CSAD: variants seen among roughly 807,000 people sequenced by gnomAD.
CSAD encodes cysteine sulfinic acid decarboxylase.
Under a neutral mutation model 61.5 loss-of-function variants are expected in CSAD, and 47 were observed. The ratio of observed to expected loss-of-function variants is 0.76; its 90% CI spans 0.60 to 0.97. The LOEUF (loss-of-function observed/expected upper bound fraction) is 0.97, where lower values mean the gene tolerates loss of function less well. Among genes scored for constraint, CSAD ranks in the 50% least tolerant of loss-of-function variants. The pLI, the probability that CSAD is intolerant of heterozygous loss-of-function variation, is 0.00. For synonymous variants in CSAD, 245 were observed against 252.7 expected (o/e 0.97, Z 0.29); for missense variants, 611 against 643.6 (o/e 0.95, Z 0.55).
chr12:53,167,268 T>C (rs1453608932), intron 10 of CSAD, among the ~76,000 whole-genome samples: 1 of 152,186 alleles, frequency 6.6e-6, no homozygotes, highest in Non-Finnish European at 1.5e-5. Flanking sequence ...TCCAACTCCA[T>C]ATCTTCAATT....
Position 53,160,114 on chromosome 12 carries a change from G to GCCTA in CSAD, c.1166+2_1166+5dup, listed in dbSNP as rs1939101549. Reference sequence around the variant, plus strand: ...CAGGGACGACCCCCCACCTCCTCCCGCCTACCGGGCAAGGACAAAGGCCTG... The same window carrying GCCTA: ...CAGGGACGACCCCCCACCTCCTCCCGCCTACCTACCGGGCAAGGACAAAGGCCTG... On this transcript the variant is annotated splice_donor_region_variant and intron_variant, in intron 14 of 16. Transcript: ENST00000444623. The GCCTA allele has an allele frequency of 6.2e-7, 1 of 1,612,412 alleles. No homozygotes were observed. The highest frequency in any genetic ancestry group is 8.5e-7 in the Non-Finnish European group (1 of 1,179,968).
rs867501429 is a variant in CSAD at position 53,160,763 on chromosome 12, C to G, written c.966G>C (p.Ser322=). The G allele has an allele frequency of 6.4e-7, 1 of 1,551,412 alleles. No individual in the cohort carries two copies. Among genetic ancestry groups the G allele is most frequent in the Admixed American group, 2.0e-5 (1 of 50,988 alleles). Residue 322 remains serine, a splice_region_variant and synonymous_variant, in exon 13 of 17, where the codon TCG becomes TCC. Coordinates refer to ENST00000444623, the MANE Select transcript of CSAD (RefSeq NM_001244705.2). ...QCSALLLQDT[S]NLLKRCHGSQ... ...GGTGCAGGGGCAGGGGCAGACCCAC[C>G]GAGGTATCCTGGAGAAGAAGTGCAG...
At chr12:53,169,992 A>G (rs1940368449) in intron 10 of CSAD, 80 bp downstream of exon 10, 1 of 1,216,108 alleles carries the variant, frequency 8.2e-7, no homozygotes, top group Admixed American at 1.7e-5. Context: ...GGGATGAAGG[A>G]TGCCTTGAGA....
chr12:53,170,606 G>A, intron 8 of CSAD, 104 bp from the exon 9 acceptor site: 1 of 876,050 alleles, frequency 1.1e-6, no homozygotes. Flanking sequence ...GTAGACCAGG[G>A]CTTCTCAAAT....
intron 10 of CSAD, among the ~76,000 whole-genome samples, chr12:53,168,682 A>G (rs1291714343): frequency 6.6e-6 from 1 of 152,344 alleles, no homozygotes; most frequent in East Asian, 1.9e-4. Context: ...TAATAATAAC[A>G]ACAATACCAG....
intron 10 of CSAD, 77 bp downstream of exon 10, chr12:53,169,995 C>T: frequency 7.9e-7 from 1 of 1,263,080 alleles, no homozygotes. Context: ...ATGAAGGATG[C>T]CTTGAGAAAG....
chr12:53,160,931 A>T, intron 12 of CSAD, 87 bp from the exon 13 acceptor site: 1 of 1,331,814 alleles, frequency 7.5e-7, no homozygotes. Context: ...GTCCCCAGCA[A>T]AGGGGCTTTG....
intron 13 of CSAD, 152 bp from the exon 14 acceptor site, chr12:53,160,471 T>C: frequency 1.2e-6 from 1 of 803,148 alleles, no homozygotes; most frequent in Non-Finnish European, 2.0e-6. Flanking sequence ...CTCCAACACC[T>C]TTCTTTGGGT....
Position 53,158,483 on chromosome 12 carries a change from T to C in CSAD, c.*28A>G. On this transcript the variant is annotated 3_prime_UTR_variant, in exon 17 of 17. Transcript: ENST00000444623. ...GTGACTCTGCGGGTGAGGGGTGGTA[T>C]CAAGGCCGGCAGCAAGACAGAGAAG... is the stretch of plus-strand genomic sequence containing the variant. 6 of 1,602,602 alleles carry C rather than the reference T, an allele frequency of 3.7e-6. No homozygotes were observed. The highest frequency in any genetic ancestry group is 5.1e-6 in the Non-Finnish European group (6 of 1,171,930).
Position 53,165,403 on chromosome 12 carries a change from G to A in CSAD, c.703-4014C>T, listed in dbSNP as rs1939799542. Among the ~76,000 whole-genome samples, 3 of 151,330 alleles carry A rather than the reference G, an allele frequency of 2.0e-5. No homozygotes were observed. In the South Asian group the frequency reaches 6.3e-4, roughly 32 times the overall value. ...TGGCCAGGCGCGGTGGCTCACGCCT[G>A]TGATCCCAGCACTTTGGGAGGCCGA... On this transcript the variant is annotated intron_variant, in intron 10 of 16. Coordinates refer to ENST00000444623, the MANE Select transcript of CSAD (RefSeq NM_001244705.2).
At chr12:53,180,537 T>C (rs770500003) in intron 1 of CSAD, 195 bp downstream of exon 1, 7 of 1,278,114 alleles carry the variant, frequency 5.5e-6, no homozygotes, top group South Asian at 5.0e-5. Context: ...CCCTCCTCCA[T>C]GCCCTCGGCG....
intron 2 of CSAD, among the ~76,000 whole-genome samples, chr12:53,175,857 T>G (rs752177263): frequency 2.0e-5 from 3 of 152,232 alleles, no homozygotes; most frequent in Non-Finnish European, 2.9e-5. Flanking sequence ...GAAATTAGCC[T>G]AAATAGGTAT....
chr12:53,159,600 A>G lies in CSAD; in HGVS notation c.1308+23T>C, dbSNP rs78263799. On this transcript the variant is annotated intron_variant, in intron 16 of 16. Transcript: ENST00000444623. ...GTTGCATCAGCTCCCTAACGGGTAA[A>G]GAGAGCAGCACAGCACGCCTACCTT... is the stretch of plus-strand genomic sequence containing the variant. The G allele has an allele frequency of 4.2e-3, 6,674 of 1,598,412 alleles. 243 individuals are homozygous for G. The African/African-American group carries it at 0.076, about 18-fold the overall frequency.
rs1180477214 is a variant in CSAD, at chr12:53,173,786, C to T, written c.-49-16G>A. Reference sequence around the variant, plus strand: ...CAGGTAGCTCCTCAGGACAGCAGGACCAAGATGGCAGAGGAAGTGGGGTGA... The same window carrying T: ...CAGGTAGCTCCTCAGGACAGCAGGATCAAGATGGCAGAGGAAGTGGGGTGA... On this transcript the variant is annotated splice_polypyrimidine_tract_variant and intron_variant, in intron 2 of 16. Coordinates refer to ENST00000444623, the MANE Select transcript of CSAD (RefSeq NM_001244705.2). The T allele has an allele frequency of 6.2e-7, 1 of 1,612,990 alleles. No homozygotes were observed. The highest frequency in any genetic ancestry group is 8.5e-7 in the Non-Finnish European group (1 of 1,179,370).
intron 2 of CSAD, among the ~76,000 whole-genome samples, chr12:53,177,233 C>T (rs1008473717): frequency 1.3e-5 from 2 of 152,102 alleles, no homozygotes; most frequent in African/African-American, 4.8e-5. Context: ...TTTAGGGTGG[C>T]CAGGAGCTCT....
In CSAD at chr12:53,159,793, T is replaced by C. The variant is rs561572216; in HGVS notation, c.1219-81A>G. Reference sequence around the variant, plus strand: ...TCTCCCTGCCCCTTTCCCCTCTCCCTGCCCTTTTCCCTCCACTAGGGCTTT... The same window carrying C: ...TCTCCCTGCCCCTTTCCCCTCTCCCCGCCCTTTTCCCTCCACTAGGGCTTT... On this transcript the variant is annotated intron_variant, in intron 15 of 16. Transcript: ENST00000444623. The C allele has an allele frequency of 8.5e-6, 13 of 1,526,364 alleles. No homozygotes were observed. The African/African-American group carries it at 1.8e-4, about 21-fold the overall frequency. The allele number at this position is 1,526,364 out of a possible 1,614,324, so 94.6% of individuals were successfully genotyped here.
chr12:53,170,736 T>G, intron 8 of CSAD: 1 of 514,440 alleles, frequency 1.9e-6, no homozygotes, highest in Non-Finnish European at 3.5e-6. Flanking sequence ...TTTTTTTTTT[T>G]GGAGACAAGA....
At chr12:53,174,835 T>C (rs1940985705) in intron 2 of CSAD, among the ~76,000 whole-genome samples, 1 of 152,004 alleles carries the variant, frequency 6.6e-6, no homozygotes, top group African/African-American at 2.4e-5. Flanking sequence ...GTACAAGAAT[T>C]CTAAAATATA....
chr12:53,175,611 C>T (rs1413897252), intron 2 of CSAD, among the ~76,000 whole-genome samples: 1 of 152,180 alleles, frequency 6.6e-6, no homozygotes, highest in Non-Finnish European at 1.5e-5. Flanking sequence ...ACAGGGACCC[C>T]TCAAATGTTA....
Sources: gnomAD v4.1 joint callset for allele counts (sites outside exome capture counted in the v4.1 genomes callset) on GRCh38, gnomAD v4.1.1 for gene constraint, MANE v1.5 for transcripts, NCBI Gene and HGNC (gene_info 2026-07-23, HGNC 2026-07-21) for gene names.